KATNAL2: variants seen among roughly 807,000 people sequenced by gnomAD.
KATNAL2 encodes katanin p60 ATPase-containing subunit A-like 2.
KATNAL2 carries 52 observed loss-of-function variants against 76.3 expected under a neutral mutation model. The ratio of observed to expected loss-of-function variants is 0.68; its 90% CI spans 0.55 to 0.86. The LOEUF (loss-of-function observed/expected upper bound fraction) is 0.86, where lower values mean the gene tolerates loss of function less well. KATNAL2 is among the 40% of genes least tolerant of loss of function. The pLI is 0.00. For synonymous variants in KATNAL2, 243 were observed against 244.2 expected (o/e 1.00, Z 0.05); for missense variants, 660 against 668.9 (o/e 0.99, Z 0.15).
Position 47,034,417 on chromosome 18 carries a change from T to C in KATNAL2, c.52-12040T>C, listed in dbSNP as rs754988549. 29 of 1,613,966 alleles carry C rather than the reference T, an allele frequency of 1.8e-5. No individual in the cohort carries two copies. The African/African-American group carries it at 3.6e-4, about 20-fold the overall frequency. ...GCCGCTGCCAGCTTGCCCCCCTTCC[T>C]TGTCTGTCTTGAAGTCCGAAGGCTG... On this transcript the variant is annotated intron_variant, in intron 3 of 17. Coordinates refer to ENST00000683218, the MANE Select transcript of KATNAL2 (RefSeq NM_001387690.1).
intron 15 of KATNAL2, among the ~76,000 whole-genome samples, chr18:47,084,846 CT>C (rs2062698302): frequency 4.6e-5 from 1 of 21,630 alleles, no homozygotes; most frequent in Non-Finnish European, 9.1e-5. Flanking sequence ...AAGACTCTGT[CT>C]AAAAAAAAAA....
chr18:47,085,269 T>C lies in KATNAL2; in HGVS notation c.1211+7808T>C, dbSNP rs114704973. 4.6e-3 allele frequency among the ~76,000 whole-genome samples: 707 copies of C among 152,252 alleles called. 4 individuals are homozygous for C. Among genetic ancestry groups the C allele is most frequent in the African/African-American group, 0.016 (667 of 41,536 alleles). On this transcript the variant is annotated intron_variant, in intron 15 of 17. Coordinates refer to ENST00000683218, the MANE Select transcript of KATNAL2 (RefSeq NM_001387690.1). ...TTGCTGGAACCACTTTTGCAAAAAT[T>C]ATATAACAGTTAGAAGATTATGGCA...
rs904989814 is a variant in KATNAL2, at chr18:47,045,554, C to T, written c.52-903C>T. ...GCCAGGCTGGTCTCAAACTCCTGACCTCAAGTGATCCATCCGCCTTGGTCT... is the reference window on the plus strand; with the variant it reads ...GCCAGGCTGGTCTCAAACTCCTGACTTCAAGTGATCCATCCGCCTTGGTCT... On this transcript the variant is annotated intron_variant, in intron 3 of 17. Transcript: ENST00000683218. 5.0e-4 allele frequency among the ~76,000 whole-genome samples: 76 copies of T among 152,090 alleles called. 1 individual carries two copies. Among genetic ancestry groups the T allele is most frequent in the Admixed American group, 1.3e-4 (2 of 15,272 alleles).
In KATNAL2 at chr18:46,920,043, C is replaced by G. The variant is rs1043493645; in HGVS notation, c.-510+2117C>G. 6 of 1,288,112 alleles carry G rather than the reference C, an allele frequency of 4.7e-6. No homozygotes were observed. In the Admixed American group the frequency reaches 6.9e-5, roughly 15 times the overall value. The allele number at this position is 1,288,112 out of a possible 1,614,324, so 79.8% of individuals were successfully genotyped here. On this transcript the variant is annotated intron_variant, in intron 1 of 17. Transcript: ENST00000683218. Reference sequence around the variant, plus strand: ...AAACAGTAAGAAAAGAAAAGCAAAGCCCCACTGAAACTTACGTGCAGTGTT... The same window carrying G: ...AAACAGTAAGAAAAGAAAAGCAAAGGCCCACTGAAACTTACGTGCAGTGTT...
chr18:47,095,428 T>C (rs1488228335), intron 15 of KATNAL2, among the ~76,000 whole-genome samples: 1 of 152,146 alleles, frequency 6.6e-6, no homozygotes, highest in African/African-American at 2.4e-5. Flanking sequence ...TCACTGCACC[T>C]TGATGGTTTT....
chr18:46,931,978 T>C (rs1362280782), intron 1 of KATNAL2, among the ~76,000 whole-genome samples: 1 of 151,760 alleles, frequency 6.6e-6, no homozygotes, highest in African/African-American at 2.4e-5. Flanking sequence ...ACTGGCGATC[T>C]TGGCTCACTG....
chr18:46,959,272 T>C (rs993498442), intron 3 of KATNAL2, among the ~76,000 whole-genome samples: 2 of 152,230 alleles, frequency 1.3e-5, no homozygotes, highest in Non-Finnish European at 2.9e-5. Context: ...TTTTAAGTGC[T>C]CTGTTCCGCT....
At chr18:47,056,593 G>C (rs1159336496) in intron 6 of KATNAL2, among the ~76,000 whole-genome samples, 2 of 152,316 alleles carry the variant, frequency 1.3e-5, no homozygotes, top group East Asian at 3.9e-4. Context: ...AGTCAAAGCA[G>C]AGTGAATTTG....
intron 15 of KATNAL2, among the ~76,000 whole-genome samples, chr18:47,078,085 T>A (rs1369069): frequency 6.6e-6 from 1 of 152,152 alleles, no homozygotes; most frequent in African/African-American, 2.4e-5. Context: ...TGTTTTCACA[T>A]ACATTATTTC....
chr18:46,952,929 C>G (rs1280987854), intron 3 of KATNAL2, among the ~76,000 whole-genome samples: 1 of 115,546 alleles, frequency 8.7e-6, no homozygotes, highest in Non-Finnish European at 1.6e-5. Flanking sequence ...GAGTCTCGCT[C>G]TGTTGCCGAG....
intron 14 of KATNAL2, chr18:47,075,981 G>A (rs1018625874): frequency 1.3e-5 from 2 of 152,196 alleles, no homozygotes; most frequent in Non-Finnish European, 2.9e-5. Flanking sequence ...AGCCAGAGTA[G>A]TGTTGTGCTT....
In KATNAL2 at chr18:47,031,346, T is replaced by C. The variant is rs1446811852; in HGVS notation, c.52-15111T>C. Among the ~76,000 whole-genome samples the C allele has an allele frequency of 7.2e-5, 11 of 152,284 alleles. No homozygotes were observed. The East Asian group carries it at 2.1e-3, about 29-fold the overall frequency. On this transcript the variant is annotated intron_variant, in intron 3 of 17. Coordinates refer to ENST00000683218, the MANE Select transcript of KATNAL2 (RefSeq NM_001387690.1). ...CATTTGAAATATGTATGTTTTCGGC[T>C]TTTGTTTCTGCTGTCGTTGGCAGTT...
At chr18:46,930,934 C>T (rs1217051168) in intron 1 of KATNAL2, among the ~76,000 whole-genome samples, 1 of 151,900 alleles carries the variant, frequency 6.6e-6, no homozygotes, top group East Asian at 1.9e-4. Context: ...AACCTGGTCT[C>T]TCCTAAAAAT....
chr18:46,938,823 A>G (rs1378025063), intron 1 of KATNAL2, among the ~76,000 whole-genome samples: 1 of 152,090 alleles, frequency 6.6e-6, no homozygotes, highest in Admixed American at 6.6e-5. Context: ...TAGTGTCACT[A>G]TCCTTCCTCC....
intron 1 of KATNAL2, among the ~76,000 whole-genome samples, chr18:46,940,961 G>T (rs2059229179): frequency 6.6e-6 from 1 of 152,108 alleles, no homozygotes; most frequent in Admixed American, 6.6e-5. Flanking sequence ...GGAGTTCCAG[G>T]CTGCAGTGAG....
intron 7 of KATNAL2, 51 bp from the exon 8 acceptor site, chr18:47,059,505 A>G (rs2061568624): frequency 2.3e-6 from 3 of 1,294,680 alleles, no homozygotes; most frequent in Non-Finnish European, 3.4e-6. Context: ...TACATCCAGC[A>G]ACTCTCCATG....
intron 3 of KATNAL2, chr18:47,033,230 C>G: frequency 6.2e-7 from 1 of 1,613,904 alleles, no homozygotes. Context: ...CTGCTTCCCG[C>G]GGGCTTGGAG....
chr18:46,931,139 T>TAATAATAATAATAAAAAA (rs1555824545), intron 1 of KATNAL2, among the ~76,000 whole-genome samples: 5 of 122,780 alleles, frequency 4.1e-5, no homozygotes, highest in South Asian at 2.8e-4. Flanking sequence ...ATAATAATAA[T>TAATAATAATAATAAAAAA]AAATAAATAA....
At chr18:47,054,487 T>C in intron 6 of KATNAL2, 49 bp downstream of exon 6, 1 of 1,557,910 alleles carries the variant, frequency 6.4e-7, no homozygotes, top group East Asian at 2.2e-5. Flanking sequence ...GAGGAGCTTG[T>C]GGAATCCCTT....
Sources: gnomAD v4.1 joint callset for allele counts (sites outside exome capture counted in the v4.1 genomes callset) on GRCh38, gnomAD v4.1.1 for gene constraint, MANE v1.5 for transcripts, NCBI Gene and HGNC (gene_info 2026-07-23, HGNC 2026-07-21) for gene names.